Variants in SEMA3A observed in about 807,000 individuals in gnomAD.
SEMA3A encodes the protein semaphorin 3A.
In SEMA3A, 29 loss-of-function variants were observed where a neutral mutation model predicts 97.9. The ratio of observed to expected loss-of-function variants is 0.30; its 90% CI spans 0.22 to 0.40. The LOEUF is 0.40. SEMA3A is among the 10% of genes least tolerant of loss of function. SEMA3A has a pLI of 1.00. For synonymous variants in SEMA3A, 321 were observed against 323.7 expected (o/e 0.99, Z 0.09); for missense variants, 763 against 951.3 (o/e 0.80, Z 2.60).
intron 15 of SEMA3A, among the ~76,000 whole-genome samples, chr7:83,968,710 C>T (rs893943882): frequency 2.7e-5 from 4 of 150,714 alleles, no homozygotes; most frequent in Non-Finnish European, 4.4e-5. Context: ...AATTGCAACT[C>T]ATCTTTTATA....
At chr7:84,151,319 G>T (rs1228338563) in intron 1 of SEMA3A, among the ~76,000 whole-genome samples, 1 of 151,170 alleles carries the variant, frequency 6.6e-6, no homozygotes, top group Non-Finnish European at 1.5e-5. Context: ...TCAAACCAAA[G>T]GCAAAGAAAT....
At chr7:84,205,437 A>T (rs796857582) in intron 3 of SEMA3A, among the ~76,000 whole-genome samples, 3 of 152,322 alleles carry the variant, frequency 2.0e-5, no homozygotes, top group African/African-American at 7.2e-5. Context: ...CATGGCAATG[A>T]TTACAGTTAT....
chr7:84,003,352 T>C (rs1790537239), intron 11 of SEMA3A, among the ~76,000 whole-genome samples: 2 of 152,162 alleles, frequency 1.3e-5, no homozygotes, highest in African/African-American at 4.8e-5. Flanking sequence ...TTTATCTCTT[T>C]TCCAGATCAA....
chr7:84,453,195 T>G (rs1382549108), intron 1 of SEMA3A, among the ~76,000 whole-genome samples: 1 of 151,820 alleles, frequency 6.6e-6, no homozygotes, highest in African/African-American at 2.4e-5. Flanking sequence ...GAAAGAGAGA[T>G]GAATCTAATT....
chr7:84,473,604 G>C (rs530480567), intron 1 of SEMA3A, among the ~76,000 whole-genome samples: 2 of 151,874 alleles, frequency 1.3e-5, no homozygotes, highest in Non-Finnish European at 2.9e-5. Context: ...AACCAGGCTG[G>C]ACTCCAACTC....
chr7:84,159,878 A>G (rs1417836095), intron 1 of SEMA3A, among the ~76,000 whole-genome samples: 2 of 152,196 alleles, frequency 1.3e-5, no homozygotes, highest in African/African-American at 4.8e-5. Context: ...TATGAGTTTC[A>G]TAATTTGTGC....
At chr7:84,058,771 A>C (rs1162922794) in intron 5 of SEMA3A, among the ~76,000 whole-genome samples, 1 of 152,142 alleles carries the variant, frequency 6.6e-6, no homozygotes, top group Non-Finnish European at 1.5e-5. Context: ...CTTTCTAGCC[A>C]CGTCCTCTTC....
intron 1 of SEMA3A, among the ~76,000 whole-genome samples, chr7:84,178,937 T>A (rs1367168911): frequency 2.0e-5 from 3 of 152,148 alleles, no homozygotes; most frequent in Non-Finnish European, 4.4e-5. Context: ...TAGAATGTTC[T>A]CCATTCTTTC....
At chr7:84,166,749 C>A (rs1419415341) in intron 1 of SEMA3A, among the ~76,000 whole-genome samples, 1 of 151,200 alleles carries the variant, frequency 6.6e-6, no homozygotes, top group Non-Finnish European at 1.5e-5. Context: ...GTGGCAGGCA[C>A]CTGTAATCCC....
chr7:84,270,842 A>T (rs568726455), intron 3 of SEMA3A, among the ~76,000 whole-genome samples: 1 of 151,902 alleles, frequency 6.6e-6, no homozygotes, highest in African/African-American at 2.4e-5. Context: ...CACAATTTAT[A>T]GGCAGCAATT....
chr7:84,372,142 T>C (rs1802991641), intron 1 of SEMA3A: 1 of 152,094 alleles, frequency 6.6e-6, no homozygotes, highest in African/African-American at 2.4e-5. Context: ...AATTGGATTC[T>C]CAGAGATTAT....
At chr7:84,211,839 T>C (rs759198318) in intron 3 of SEMA3A, among the ~76,000 whole-genome samples, 2 of 152,092 alleles carry the variant, frequency 1.3e-5, no homozygotes, top group Non-Finnish European at 2.9e-5. Context: ...GAGACAAAAA[T>C]TGGTCTATAT....
chr7:84,490,839 C>T (rs887069427), intron 1 of SEMA3A, among the ~76,000 whole-genome samples: 26 of 152,092 alleles, frequency 1.7e-4, no homozygotes, highest in East Asian at 1.5e-3. Context: ...GACACGGTTA[C>T]GGCATTCATA....
At chr7:84,079,025 C>T (rs1794055376) in intron 4 of SEMA3A, among the ~76,000 whole-genome samples, 1 of 152,096 alleles carries the variant, frequency 6.6e-6, no homozygotes, top group East Asian at 1.9e-4. Context: ...ATAATTAATA[C>T]TTGAATTATT....
intron 12 of SEMA3A, among the ~76,000 whole-genome samples, chr7:83,994,051 C>T (rs1259276316): frequency 5.3e-5 from 8 of 149,606 alleles, no homozygotes; most frequent in East Asian, 4.1e-4. Context: ...CCCTTCTCGC[C>T]TCATTTCATT....
rs912053894 is a variant in SEMA3A at position 83,959,069 on chromosome 7, A to C, written c.*2302T>G. 2 of 152,096 alleles carry C rather than the reference A, an allele frequency of 1.3e-5. No homozygotes were observed. Among genetic ancestry groups the C allele is most frequent in the African/African-American group, 4.8e-5 (2 of 41,462 alleles). 9.4% of individuals were successfully genotyped at this position (152,096 alleles called of 1,614,324 possible). A position where few individuals can be genotyped will look rare whatever the true frequency, so the allele number is the denominator to read the frequency against. ...TTTGAAAACTTAGACCTGATGGTATATAAAGACATGCCTGTAGATTTGTTT... is the reference window on the plus strand; with the variant it reads ...TTTGAAAACTTAGACCTGATGGTATCTAAAGACATGCCTGTAGATTTGTTT... On this transcript the variant is annotated 3_prime_UTR_variant, in exon 17 of 17. Transcript: ENST00000265362.
chr7:84,426,912 C>A (rs1804842747), intron 1 of SEMA3A, among the ~76,000 whole-genome samples: 1 of 152,052 alleles, frequency 6.6e-6, no homozygotes, highest in Non-Finnish European at 1.5e-5. Flanking sequence ...TATTTTGTAA[C>A]ACAGTAAAGT....
chr7:84,060,523 T>C lies in SEMA3A; in HGVS notation c.489A>G (p.Glu163=), dbSNP rs1793174183. Reference sequence around the variant, plus strand: ...CATATGGACTCTTCCCACGGCCGTTTTCAAAATGTGAGTTCTCCAGCTTAA... The same window carrying C: ...CATATGGACTCTTCCCACGGCCGTTCTCAAAATGTGAGTTCTCCAGCTTAA... ...NIFKLENSHF[E]NGRGKSPYDP... is the part of the protein sequence containing the mutation. Residue 163 remains glutamate, a synonymous_variant, in exon 5 of 17, where the codon GAA becomes GAG. Transcript: ENST00000265362. 1 of 1,596,518 alleles carries C rather than the reference T, an allele frequency of 6.3e-7. No individual in the cohort carries two copies. Among genetic ancestry groups the C allele is most frequent in the Admixed American group, 1.8e-5 (1 of 55,990 alleles).
chr7:84,332,829 T>C (rs1375449341), intron 2 of SEMA3A, among the ~76,000 whole-genome samples: 1 of 152,146 alleles, frequency 6.6e-6, no homozygotes, highest in Non-Finnish European at 1.5e-5. Flanking sequence ...TTAAGTTTAC[T>C]ATACTGAAAT....
Sources: gnomAD v4.1 joint callset for allele counts (sites outside exome capture counted in the v4.1 genomes callset) on GRCh38, gnomAD v4.1.1 for gene constraint, MANE v1.5 for transcripts, NCBI Gene and HGNC (gene_info 2026-07-23, HGNC 2026-07-21) for gene names.